Variants in MRPS18B observed in about 807,000 individuals in gnomAD.
The protein encoded by MRPS18B is small ribosomal subunit protein mS40.
MRPS18B carries 27 observed loss-of-function variants against 28.4 expected under a neutral mutation model. That is an observed-to-expected ratio of 0.95 (90% CI 0.70 to 1.31). The LOEUF is 1.31. Ranked by LOEUF, MRPS18B falls within the 40% of genes most tolerant of loss-of-function variation. The pLI, the probability that MRPS18B is intolerant of heterozygous loss-of-function variation, is 0.00. For synonymous variants in MRPS18B, 118 were observed against 123.7 expected (o/e 0.95, Z 0.30); for missense variants, 343 against 335.9 (o/e 1.02, Z -0.17).
Position 30,619,515 on chromosome 6 carries a change from C to T in MRPS18B, c.101C>T (p.Thr34Ile). 1 of 1,612,908 alleles carries T rather than the reference C, an allele frequency of 6.2e-7. No homozygotes were observed. The highest frequency in any genetic ancestry group is 1.3e-5 in the African/African-American group (1 of 75,000). ...TAGGTTCCCCTCCAGACTCTTTGCA[C>T]CAAAGCTCCCTCTGAGGAAGATTCT... is the stretch of plus-strand genomic sequence containing the variant. Reference protein sequence around the residue: ...RVQVPLQTLCTKAPSEEDSLS... With the variant: ...RVQVPLQTLCIKAPSEEDSLS... Residue 34 changes from threonine to isoleucine, a missense_variant, in exon 2 of 7, where the codon ACC becomes ATC. By Grantham distance (89) the Thr-to-Ile change is moderately conservative. Coordinates refer to ENST00000259873, the MANE Select transcript of MRPS18B (RefSeq NM_014046.4).
Position 30,625,917 on chromosome 6 carries a change from A to G in MRPS18B, c.*120A>G. 1.8e-6 allele frequency: 2 copies of G among 1,124,018 alleles called. No individual in the cohort carries two copies. The highest frequency in any genetic ancestry group is 1.5e-5 in the South Asian group (1 of 65,324). The allele number at this position is 1,124,018 out of a possible 1,614,324, so 69.6% of individuals were successfully genotyped here. ...GGAGTTTGAGACCAGCCTGGGCACC[A>G]TGGTGAAACCTCGTCTTTACCAAAA... On this transcript the variant is annotated 3_prime_UTR_variant, in exon 7 of 7. Coordinates refer to ENST00000259873, the MANE Select transcript of MRPS18B (RefSeq NM_014046.4).
chr6:30,625,485 C>T lies in MRPS18B; in HGVS notation c.482-17C>T, dbSNP rs970066934. ...CCTCATTGCCTCTTAAATTTCTTTT[C>T]TTTTTTAATCCCTTAGGTCTCCTCA... On this transcript the variant is annotated splice_polypyrimidine_tract_variant and intron_variant, in intron 6 of 6. Coordinates refer to ENST00000259873, the MANE Select transcript of MRPS18B (RefSeq NM_014046.4). 1.1e-5 allele frequency: 17 copies of T among 1,510,748 alleles called. No individual in the cohort carries two copies. The African/African-American group carries it at 2.4e-4, about 21-fold the overall frequency. 93.6% of individuals were successfully genotyped at this position (1,510,748 alleles called of 1,614,324 possible).
rs764126866 is a variant in MRPS18B at position 30,619,493 on chromosome 6, G to T, written c.79G>T (p.Val27Phe). Residue 27 changes from valine to phenylalanine, a missense_variant and splice_region_variant, in exon 2 of 7, where the codon GTT becomes TTT. Physicochemically the swap from Val to Phe is conservative, Grantham distance 50. Coordinates refer to ENST00000259873, the MANE Select transcript of MRPS18B (RefSeq NM_014046.4). ...TTTATTTTTTTCTTCTCCTTTGTAG[G>T]TTCCCCTCCAGACTCTTTGCACCAA... ...SLFRGSHRVQ[V>F]PLQTLCTKAP... The T allele has an allele frequency of 6.2e-7, 1 of 1,610,424 alleles. No individual in the cohort carries two copies. Among genetic ancestry groups the T allele is most frequent in the Non-Finnish European group, 8.5e-7 (1 of 1,178,058 alleles).
At chr6:30,619,650 G>A in intron 2 of MRPS18B, 49 bp downstream of exon 2, 1 of 1,608,346 alleles carries the variant, frequency 6.2e-7, no homozygotes, top group Non-Finnish European at 8.5e-7. Flanking sequence ...TGAGATAAGT[G>A]GACAGAGCCA....
intron 1 of MRPS18B, among the ~76,000 whole-genome samples, chr6:30,619,017 A>G (rs1415612902): frequency 6.6e-6 from 1 of 152,082 alleles, no homozygotes; most frequent in Non-Finnish European, 1.5e-5. Flanking sequence ...TCCCGGGTTC[A>G]AGTGATTCTC....
At chr6:30,622,949 T>G in intron 5 of MRPS18B, 51 bp downstream of exon 5, 1 of 1,569,864 alleles carries the variant, frequency 6.4e-7, no homozygotes, top group Non-Finnish European at 8.8e-7. Context: ...GTGGCATGCC[T>G]TGTTTATGTA....
chr6:30,621,236 T>C (rs1183295822), intron 4 of MRPS18B, among the ~76,000 whole-genome samples: 2 of 151,994 alleles, frequency 1.3e-5, no homozygotes, highest in East Asian at 3.9e-4. Flanking sequence ...ACCCTGTCTC[T>C]ACTAAAAATA....
rs900844887 is a variant in MRPS18B, at chr6:30,625,991, A to G, written c.*194A>G. The G allele has an allele frequency of 3.5e-6, 2 of 573,306 alleles. No homozygotes were observed. The highest frequency in any genetic ancestry group is 3.0e-5 in the East Asian group (1 of 33,116). 35.5% of individuals were successfully genotyped at this position (573,306 alleles called of 1,614,324 possible). ...GTGGTGCACACCTGTAGTCTCAACT[A>G]TTGGGGAGGCTAAGGTAGGATCACT... On this transcript the variant is annotated 3_prime_UTR_variant, in exon 7 of 7. Coordinates refer to ENST00000259873, the MANE Select transcript of MRPS18B (RefSeq NM_014046.4).
intron 6 of MRPS18B, 59 bp from the exon 7 acceptor site, chr6:30,625,443 T>C: frequency 6.9e-7 from 1 of 1,441,954 alleles, no homozygotes; most frequent in South Asian, 1.4e-5. Flanking sequence ...TTTTTCTTAC[T>C]TCATCTAAAC....
intron 5 of MRPS18B, 121 bp downstream of exon 5, chr6:30,623,019 C>A (rs1761266303): frequency 1.0e-6 from 1 of 999,028 alleles, no homozygotes; most frequent in Non-Finnish European, 1.5e-6. Flanking sequence ...TCTGGCTGAA[C>A]CTTTTGGAAA....
At chr6:30,621,262 C>T (rs1304795938) in intron 4 of MRPS18B, among the ~76,000 whole-genome samples, 1 of 151,828 alleles carries the variant, frequency 6.6e-6, no homozygotes, top group Non-Finnish European at 1.5e-5. Context: ...ATTAGCCAGG[C>T]ATGGTGGCAG....
At chr6:30,620,188 G>T in intron 4 of MRPS18B, 199 bp downstream of exon 4, 2 of 559,632 alleles carry the variant, frequency 3.6e-6, no homozygotes, top group South Asian at 4.2e-5. Flanking sequence ...GTGGTGGCGG[G>T]CGCCTGTAGT....
At position 30,626,056 on chromosome 6, in the gene MRPS18B, A is replaced by T. The variant is rs1358116421; in HGVS notation, c.*259A>T. 1 of 426,074 alleles carries T rather than the reference A, an allele frequency of 2.3e-6. No homozygotes were observed. The allele number at this position is 426,074 out of a possible 1,614,324, so 26.4% of individuals were successfully genotyped here. A position where few individuals can be genotyped will look rare whatever the true frequency, so the allele number is the denominator to read the frequency against. On this transcript the variant is annotated 3_prime_UTR_variant, in exon 7 of 7. Transcript: ENST00000259873. ...GGAGGTTGCAGTGAGTTGCAGTCAC[A>T]CCCCTGCACTCCAGCCTGGGTGACA...
At chr6:30,621,526 G>A (rs1465633429) in intron 4 of MRPS18B, among the ~76,000 whole-genome samples, 3 of 152,370 alleles carry the variant, frequency 2.0e-5, no homozygotes, top group African/African-American at 4.8e-5. Context: ...CAGGGAAGTA[G>A]TAGAGCATTT....
chr6:30,623,608 G>A (rs1206582390), intron 5 of MRPS18B, among the ~76,000 whole-genome samples: 1 of 152,060 alleles, frequency 6.6e-6, no homozygotes, highest in African/African-American at 2.4e-5. Context: ...ACGTCCATTT[G>A]TTTTCATATT....
rs770435901 is a variant in MRPS18B, at chr6:30,619,558, T to C, written c.144T>C (p.Ile48=). The stretch of plus-strand genomic sequence containing the variant: ...AAGATTCTTTGTCCTCAGTTCCCAT[T>C]TCTCCTTATAAGGATGAGCCCTGGA... ...SEEDSLSSVP[I]SPYKDEPWKY... Residue 48 remains isoleucine, a synonymous_variant, in exon 2 of 7, where the codon ATT becomes ATC. Transcript: ENST00000259873. The C allele has an allele frequency of 6.2e-7, 1 of 1,613,006 alleles. No individual in the cohort carries two copies. Among genetic ancestry groups the C allele is most frequent in the South Asian group, 1.1e-5 (1 of 91,080 alleles).
rs764263809 is a variant in MRPS18B, at chr6:30,625,542, C to A, written c.522C>A (p.Asp174Glu). ...ACATCCCCCAGGTTGAACCACGGGA[C>A]CTTGACTTCAGTACCTCTCATGGGG... is the stretch of plus-strand genomic sequence containing the variant. ...IYHIPQVEPR[D>E]LDFSTSHGAV... The change falls in exon 7 of 7, where the codon GAC becomes GAA. Residue 174 changes from aspartate to glutamate, a missense_variant. Coordinates refer to ENST00000259873, the MANE Select transcript of MRPS18B (RefSeq NM_014046.4). The A allele has an allele frequency of 2.0e-5, 32 of 1,587,436 alleles. No homozygotes were observed. Among genetic ancestry groups the A allele is most frequent in the South Asian group, 1.3e-4 (12 of 90,312 alleles).
intron 1 of MRPS18B, 43 bp from the exon 2 acceptor site, chr6:30,619,450 T>C (rs746632332): frequency 1.3e-6 from 2 of 1,532,258 alleles, no homozygotes; most frequent in Non-Finnish European, 1.8e-6. Context: ...AATTTAGTCC[T>C]TTCCTTAAAC....
rs1429835799 is a variant in MRPS18B at position 30,617,859 on chromosome 6, C to T, written c.-7C>T. On this transcript the variant is annotated 5_prime_UTR_variant, in exon 1 of 7. It adds an upstream start codon to the 5' untranslated region. Transcript: ENST00000259873. ...TCCGTCAATTCCTGTCCTGGGCGTACGTCAAGATGGCGGCGTCTGTATTAA... is the reference window on the plus strand; with the variant it reads ...TCCGTCAATTCCTGTCCTGGGCGTATGTCAAGATGGCGGCGTCTGTATTAA... The T allele has an allele frequency of 1.2e-6, 2 of 1,614,182 alleles. No individual in the cohort carries two copies. The highest frequency in any genetic ancestry group is 1.7e-6 in the Non-Finnish European group (2 of 1,180,044).
Sources: allele counts gnomAD v4.1 joint callset (sites outside exome capture counted in the v4.1 genomes callset), GRCh38; gene constraint gnomAD v4.1.1; transcripts MANE v1.5; gene names NCBI Gene and HGNC (gene_info 2026-07-23, HGNC 2026-07-21).